The following LARP4B variants were observed in gnomAD, a reference collection of about 807,000 sequenced individuals.
LARP4B encodes the protein La ribonucleoprotein 4B, also known as la-related protein 4B.
In LARP4B, 12 loss-of-function variants were observed where a neutral mutation model predicts 89.8. That is an observed-to-expected ratio of 0.13 (90% CI 0.09 to 0.22). LARP4B has a LOEUF of 0.22. Ranked by LOEUF, LARP4B falls within the 10% of genes least tolerant of loss-of-function variation. The probability of loss-of-function intolerance (pLI) is 1.00; values close to 1 mark genes in which losing one functional copy is unlikely to be tolerated. For synonymous variants in LARP4B, 367 were observed against 363.3 expected, an observed-to-expected ratio of 1.01 and a Z score of -0.12; for missense variants, 757 against 947.7, an observed-to-expected ratio of 0.80 and a Z score of 2.64.
At chr10:905,659 AGGG>A (rs1836469438) in intron 1 of LARP4B, among the ~76,000 whole-genome samples, 1 of 151,568 alleles carries the variant, frequency 6.6e-6, no homozygotes, top group Non-Finnish European at 1.5e-5. Flanking sequence ...GAACGTGGGG[AGGG>A]GAGGAGCTGA....
chr10:900,453 T>TTTTTTTTTTA (rs1836309611), intron 1 of LARP4B, among the ~76,000 whole-genome samples: 1 of 117,262 alleles, frequency 8.5e-6, no homozygotes, highest in Non-Finnish European at 1.8e-5. Context: ...TTTTTTTTTT[T>TTTTTTTTTTA]GAGGTAGGGT....
chr10:894,496 C>T (rs1031549653), intron 1 of LARP4B, among the ~76,000 whole-genome samples: 1 of 152,106 alleles, frequency 6.6e-6, no homozygotes, highest in East Asian at 1.9e-4. Context: ...TGTTTGGATC[C>T]TGAGTCAAAT....
intron 3 of LARP4B, among the ~76,000 whole-genome samples, chr10:874,234 C>CA (rs60052105): frequency 1.3e-5 from 2 of 151,900 alleles, no homozygotes; most frequent in Non-Finnish European, 2.9e-5. Flanking sequence ...GACTCCATCT[C>CA]AAACAAAACA....
intron 5 of LARP4B, among the ~76,000 whole-genome samples, chr10:859,874 G>A (rs542424477): frequency 6.6e-6 from 1 of 151,872 alleles, no homozygotes; most frequent in South Asian, 2.1e-4. Flanking sequence ...GGGTTGGGGG[G>A]AGGGAGGGGT....
chr10:936,550 G>A (rs1381570410), upstream of LARP4B, among the ~76,000 whole-genome samples: 3 of 152,042 alleles, frequency 2.0e-5, no homozygotes, highest in African/African-American at 7.2e-5. Flanking sequence ...TGAAACACCT[G>A]TCTCTAGCAA....
At chr10:898,921 A>T (rs1328763824) in intron 1 of LARP4B, among the ~76,000 whole-genome samples, 1 of 152,214 alleles carries the variant, frequency 6.6e-6, no homozygotes. Context: ...ATCATTTAAC[A>T]GGCAATTCAC....
the LARP4B span, chr10:972,925 G>C: frequency 2.2e-6 from 1 of 453,574 alleles, no homozygotes; most frequent in Non-Finnish European, 4.5e-6. Context: ...GTTTTCTGGA[G>C]ACGCATCAGC....
At chr10:880,306 C>A (rs1361266518) in intron 3 of LARP4B, among the ~76,000 whole-genome samples, 1 of 152,018 alleles carries the variant, frequency 6.6e-6, no homozygotes, top group Admixed American at 6.6e-5. Flanking sequence ...GAAGCTGTGT[C>A]ATCAAAAGGC....
chr10:901,161 C>T (rs1248807724), intron 1 of LARP4B, among the ~76,000 whole-genome samples: 5 of 149,272 alleles, frequency 3.3e-5, no homozygotes, highest in African/African-American at 1.2e-4. Flanking sequence ...CTGATCCACC[C>T]GCCTCGGCCT....
intron 3 of LARP4B, among the ~76,000 whole-genome samples, chr10:881,629 A>G (rs746507243): frequency 6.6e-6 from 1 of 152,208 alleles, no homozygotes; most frequent in Non-Finnish European, 1.5e-5. Flanking sequence ...TACTGTAATC[A>G]TAACTATTGG....
At chr10:865,100 A>G (rs1331046827) in intron 3 of LARP4B, among the ~76,000 whole-genome samples, 1 of 152,248 alleles carries the variant, frequency 6.6e-6, no homozygotes, top group Non-Finnish European at 1.5e-5. Flanking sequence ...GAGGAAGAAG[A>G]TAAAATATCT....
At chr10:950,947 G>A in the LARP4B span, among the ~76,000 whole-genome samples, 37,511 of 151,560 alleles carry the variant, frequency 0.25, 5,315 homozygotes, top group African/African-American at 0.39. Context: ...ATAGGGGACA[G>A]CTTCTTTCCG....
rs769161941 is a variant in LARP4B at position 843,084 on chromosome 10, A to G, written c.510-16T>C. 30 of 1,607,744 alleles carry G rather than the reference A, an allele frequency of 1.9e-5. No individual in the cohort carries two copies. In the East Asian group the frequency reaches 6.0e-4, roughly 32 times the overall value. ...AAGGTTCTCCCTGTTGAAAGAAAAC[A>G]ATCTCTTTTAATCAGTATTTCTTTA... On this transcript the variant is annotated splice_polypyrimidine_tract_variant and intron_variant, in intron 6 of 17. Coordinates refer to ENST00000316157, the MANE Select transcript of LARP4B (RefSeq NM_015155.3).
At position 813,173 on chromosome 10, in the gene LARP4B, G is replaced by A. The variant is rs148067710; in HGVS notation, c.1970C>T (p.Thr657Met). 6.2e-6 allele frequency: 10 copies of A among 1,613,100 alleles called. No homozygotes were observed. The African/African-American group carries it at 6.7e-5, about 11-fold the overall frequency. ...KPSYAEICQR[T>M]SKEPPSSPLQ... ...TGGGGAAGAAGGAGGCTCTTTACTC[G>A]TTCTCTGACAAATCTCTGCGTAGCT... is the stretch of plus-strand genomic sequence containing the variant. The change falls in exon 18 of 18, where the codon ACG becomes ATG. Residue 657 changes from threonine (T) to methionine (M), a missense_variant. Transcript: ENST00000316157.
rs763673717 is a variant in LARP4B, at chr10:809,910, C to G, written c.*3016G>C. On this transcript the variant is annotated 3_prime_UTR_variant, in exon 18 of 18. Coordinates refer to ENST00000316157, the MANE Select transcript of LARP4B (RefSeq NM_015155.3). ...AACTGCAGAGATCCTAATATAGCAA[C>G]GCAGGACGTTTACGGCCACCCGCCA... The G allele has an allele frequency of 6.6e-5, 10 of 152,378 alleles. No homozygotes were observed. The highest frequency in any genetic ancestry group is 2.4e-4 in the African/African-American group (10 of 41,574). The allele number at this position is 152,378 out of a possible 1,614,324, so 9.4% of individuals were successfully genotyped here. A position where few individuals can be genotyped will look rare whatever the true frequency, so the allele number is the denominator to read the frequency against.
chr10:982,055 C>CT, the LARP4B span, among the ~76,000 whole-genome samples: 174 of 144,782 alleles, frequency 1.2e-3, no homozygotes, highest in African/African-American at 3.4e-3. Flanking sequence ...TGATTAGCTA[C>CT]TTTTTTTTTT....
the LARP4B span, among the ~76,000 whole-genome samples, chr10:938,313 T>G: frequency 6.7e-6 from 1 of 150,226 alleles, no homozygotes; most frequent in Admixed American, 6.7e-5. Flanking sequence ...TGCAGTGGTG[T>G]GATTTGGGCT....
chr10:932,641 C>T (rs1830681731), upstream of LARP4B, among the ~76,000 whole-genome samples: 1 of 140,532 alleles, frequency 7.1e-6, no homozygotes, highest in African/African-American at 2.7e-5. Context: ...CGGCCCTGCC[C>T]CAAACTCCCA....
At chr10:945,344 A>G in the LARP4B span, among the ~76,000 whole-genome samples, 2 of 149,712 alleles carry the variant, frequency 1.3e-5, no homozygotes, top group Non-Finnish European at 3.0e-5. Flanking sequence ...AGATCACACC[A>G]CTGCCCTCCA....
Sources: allele counts gnomAD v4.1 joint callset (sites outside exome capture counted in the v4.1 genomes callset), GRCh38; gene constraint gnomAD v4.1.1; transcripts MANE v1.5; gene names NCBI Gene and HGNC (gene_info 2026-07-23, HGNC 2026-07-21).